PAFAH1B2: variants seen among roughly 807,000 people sequenced by gnomAD.
The protein encoded by PAFAH1B2 is platelet-activating factor acetylhydrolase IB subunit alpha2.
PAFAH1B2 carries 8 observed loss-of-function variants against 28.0 expected under a neutral mutation model. The ratio of observed to expected loss-of-function variants is 0.29; its 90% CI spans 0.17 to 0.52. The LOEUF (loss-of-function observed/expected upper bound fraction) is 0.52. PAFAH1B2 is among the 20% of genes least tolerant of loss of function. The pLI, the probability that PAFAH1B2 is intolerant of heterozygous loss-of-function variation, is 0.97. For missense variants in PAFAH1B2, 190 were observed against 282.6 expected (o/e 0.67, Z 2.35); for synonymous variants, 104 against 103.2 (o/e 1.01, Z -0.05).
At chr11:117,148,045 CTTTT>C (rs1046335152) in intron 1 of PAFAH1B2, among the ~76,000 whole-genome samples, 1 of 136,836 alleles carries the variant, frequency 7.3e-6, no homozygotes, top group Non-Finnish European at 1.6e-5. Context: ...TATCTTTTTT[CTTTT>C]TTTTTTCTTT....
rs71469127 is a variant in PAFAH1B2 at position 117,168,446 on chromosome 11, G to GTTTTTTTTTTTTTTTTTTTTTTTTTTTT, written c.*772_*773insTTTTTTTTTTTTTTTTTTTTTTTTTTTT. 1.3e-5 allele frequency: 3 copies of GTTTTTTTTTTTTTTTTTTTTTTTTTTTT among 235,936 alleles called. No homozygotes were observed. Among genetic ancestry groups the GTTTTTTTTTTTTTTTTTTTTTTTTTTTT allele is most frequent in the African/African-American group, 8.8e-5 (1 of 11,354 alleles). 14.6% of individuals were successfully genotyped at this position (235,936 alleles called of 1,614,324 possible). Reference sequence around the variant, plus strand: ...TCCCCTTCATTCCCCCCGCCACCCCGTTTTTTTTTTTTTTTTTTTTTTTTT... The same window carrying GTTTTTTTTTTTTTTTTTTTTTTTTTTTT: ...TCCCCTTCATTCCCCCCGCCACCCCGTTTTTTTTTTTTTTTTTTTTTTTTTTTTTTTTTTTTTTTTTTTTTTTTTTTTT... On this transcript the variant is annotated 3_prime_UTR_variant, in exon 6 of 6. Transcript: ENST00000527958.
chr11:117,146,823 A>G, intron 1 of PAFAH1B2, among the ~76,000 whole-genome samples: 1 of 136,202 alleles, frequency 7.3e-6, no homozygotes. Flanking sequence ...CAATATGGTG[A>G]GATCCCCATC....
chr11:117,152,848 G>A (rs1163097848), intron 2 of PAFAH1B2, among the ~76,000 whole-genome samples: 4 of 152,200 alleles, frequency 2.6e-5, no homozygotes, highest in African/African-American at 7.2e-5. Context: ...CGAGGTGGGC[G>A]GATCACAAGG....
chr11:117,163,289 C>T (rs1591748041), intron 4 of PAFAH1B2, among the ~76,000 whole-genome samples: 1 of 152,122 alleles, frequency 6.6e-6, no homozygotes, highest in East Asian at 1.9e-4. Context: ...GACCCTCTAT[C>T]TCTTAAAAGA....
At chr11:117,165,539 A>C (rs1049354364) in intron 5 of PAFAH1B2, among the ~76,000 whole-genome samples, 1 of 152,204 alleles carries the variant, frequency 6.6e-6, no homozygotes, top group Non-Finnish European at 1.5e-5. Flanking sequence ...TGAGTAAGAC[A>C]TAGTTTCGGT....
downstream of PAFAH1B2, among the ~76,000 whole-genome samples, chr11:117,173,474 A>G (rs115094485): frequency 4.4e-3 from 675 of 152,296 alleles, 3 homozygotes; most frequent in African/African-American, 0.015. Flanking sequence ...TAAAGCACAC[A>G]ATGCAGGGAT....
Position 117,152,625 on chromosome 11 carries a change from C to T in PAFAH1B2, c.81+97C>T, listed in dbSNP as rs150077338. On this transcript the variant is annotated intron_variant, in intron 2 of 5. Transcript: ENST00000527958. ...TTGAGACAAGGTCTCACTGTGTTGC[C>T]CAGGCTGATCTCAAACTGCAGGGCT... The T allele has an allele frequency of 4.3e-4, 364 of 839,680 alleles. 1 individual carries two copies. The African/African-American group carries it at 5.4e-3, about 13-fold the overall frequency. The allele number at this position is 839,680 out of a possible 1,614,324, so 52.0% of individuals were successfully genotyped here.
chr11:117,156,778 C>T (rs1956263707), intron 2 of PAFAH1B2, among the ~76,000 whole-genome samples: 1 of 151,998 alleles, frequency 6.6e-6, no homozygotes, highest in South Asian at 2.1e-4. Context: ...CTCTCAGCAC[C>T]TTGGGAGGCA....
At chr11:117,149,569 G>A (rs1239922477) in intron 1 of PAFAH1B2, among the ~76,000 whole-genome samples, 1 of 150,780 alleles carries the variant, frequency 6.6e-6, no homozygotes, top group Non-Finnish European at 1.5e-5. Context: ...TGGGACTACA[G>A]GTGCCCGCCA....
At chr11:117,150,332 A>G (rs1166459818) in intron 1 of PAFAH1B2, among the ~76,000 whole-genome samples, 1 of 151,992 alleles carries the variant, frequency 6.6e-6, no homozygotes, top group East Asian at 1.9e-4. Flanking sequence ...TATTTTTTGT[A>G]GAGACGGGGG....
Position 117,170,513 on chromosome 11 carries a change from C to G in PAFAH1B2, c.*2814C>G. The G allele has an allele frequency of 9.5e-7, 1 of 1,058,098 alleles. No individual in the cohort carries two copies. The highest frequency in any genetic ancestry group is 1.1e-6 in the Non-Finnish European group (1 of 875,448). 65.5% of individuals were successfully genotyped at this position (1,058,098 alleles called of 1,614,324 possible). On this transcript the variant is annotated 3_prime_UTR_variant, in exon 6 of 6. Transcript: ENST00000527958. The stretch of plus-strand genomic sequence containing the variant: ...CAGCGCTCTGGCTACCACCGTGAGG[C>G]TACTTGAACTGTCAGGGGCATCTGC...
At chr11:117,166,432 T>C (rs970312118) in intron 5 of PAFAH1B2, among the ~76,000 whole-genome samples, 1 of 152,236 alleles carries the variant, frequency 6.6e-6, no homozygotes, top group Non-Finnish European at 1.5e-5. Flanking sequence ...TTGTCCATAA[T>C]ACTAAAACTT....
Position 117,148,703 on chromosome 11 carries a change from A to G in PAFAH1B2, c.-7-3738A>G, listed in dbSNP as rs376161705. ...CTTGGGAAGCTGAGGCAGGAGGATC[A>G]CTTAAGCCTAGGAGTTTGAATCCAG... On this transcript the variant is annotated intron_variant, in intron 1 of 5. Transcript: ENST00000527958. Among the ~76,000 whole-genome samples the G allele has an allele frequency of 9.9e-5, 15 of 152,226 alleles. No homozygotes were observed. In the South Asian group the frequency reaches 1.5e-3, roughly 15 times the overall value.
At chr11:117,148,512 T>C (rs1956068103) in intron 1 of PAFAH1B2, among the ~76,000 whole-genome samples, 1 of 152,238 alleles carries the variant, frequency 6.6e-6, no homozygotes, top group African/African-American at 2.4e-5. Context: ...TCATGTTTAT[T>C]TAAATAACAA....
chr11:117,158,077 G>T (rs1379007495), intron 2 of PAFAH1B2, among the ~76,000 whole-genome samples: 2 of 152,196 alleles, frequency 1.3e-5, no homozygotes, highest in African/African-American at 4.8e-5. Flanking sequence ...GGTGGAGGTT[G>T]CAGTGAGCTA....
At chr11:117,175,668 C>T (rs753094568), downstream of PAFAH1B2, 44 of 1,283,962 alleles carry the variant, frequency 3.4e-5, 1 homozygote, top group Middle Eastern at 2.9e-4. Context: ...TGGAGTGCCC[C>T]GTTAAATTGC....
chr11:117,144,819 C>T (rs1425612298), intron 1 of PAFAH1B2, among the ~76,000 whole-genome samples: 1 of 151,080 alleles, frequency 6.6e-6, no homozygotes, highest in African/African-American at 2.4e-5. Context: ...CCCGGCTGGG[C>T]GCTGCAGCTC....
At chr11:117,144,872 G>A (rs887390547) in intron 1 of PAFAH1B2, among the ~76,000 whole-genome samples, 1 of 152,178 alleles carries the variant, frequency 6.6e-6, no homozygotes, top group African/African-American at 2.4e-5. Flanking sequence ...TATCACAGGG[G>A]TCTAACTTCT....
At position 117,163,768 on chromosome 11, in the gene PAFAH1B2, A is replaced by G; in HGVS notation, c.289-2A>G. On this transcript the variant is annotated splice_acceptor_variant, in intron 4 of 5. Coordinates refer to ENST00000527958, the MANE Select transcript of PAFAH1B2 (RefSeq NM_002572.4). LOFTEE classifies it high-confidence loss of function. ...CTTCCCCCCTTTTTTCTTCAATTGC[A>G]GGTCATTGTTGTCTGGGTAGGAACA... The G allele has an allele frequency of 6.2e-7, 1 of 1,613,112 alleles. No individual in the cohort carries two copies. Among genetic ancestry groups the G allele is most frequent in the Non-Finnish European group, 8.5e-7 (1 of 1,179,582 alleles).
Sources: allele counts gnomAD v4.1 joint callset (sites outside exome capture counted in the v4.1 genomes callset), GRCh38; gene constraint gnomAD v4.1.1; transcripts MANE v1.5; gene names NCBI Gene and HGNC (gene_info 2026-07-23, HGNC 2026-07-21).